Variants in ZFC3H1 observed in about 807,000 individuals in gnomAD.
The protein encoded by ZFC3H1 is zinc finger C3H1 domain-containing protein.
In ZFC3H1, 71 loss-of-function variants were observed where a neutral mutation model predicts 243.7. The ratio of observed to expected loss-of-function variants is 0.29; its 90% CI spans 0.24 to 0.36. The LOEUF (loss-of-function observed/expected upper bound fraction) is 0.36, where lower values mean the gene tolerates loss of function less well. ZFC3H1 is among the 10% of genes least tolerant of loss of function. The pLI is 1.00. For synonymous variants in ZFC3H1, 838 were observed against 813.0 expected, an observed-to-expected ratio of 1.03 and a Z score of -0.52; for missense variants, 1,966 against 2,317.1, an observed-to-expected ratio of 0.85 and a Z score of 3.11.
rs746137314 is a variant in ZFC3H1 at position 71,644,344 on chromosome 12, T to C, written c.1280-26A>G. The stretch of plus-strand genomic sequence containing the variant: ...CTTTAAATAAAAAACACATAAACAT[T>C]AGCATCTGTTAGGAGATAAAAGAAA... On this transcript the variant is annotated intron_variant, in intron 4 of 34. Coordinates refer to ENST00000378743, the MANE Select transcript of ZFC3H1 (RefSeq NM_144982.5). 8.8e-6 allele frequency: 14 copies of C among 1,599,070 alleles called. No homozygotes were observed. In the African/African-American group the frequency reaches 1.1e-4, roughly 12 times the overall value.
At chr12:71,629,112 A>T in intron 19 of ZFC3H1, 75 bp from the exon 20 acceptor site, 8 of 1,259,148 alleles carry the variant, frequency 6.4e-6, no homozygotes, top group African/African-American at 1.5e-5. Flanking sequence ...TACTCAAATA[A>T]TATTTGAGAA....
At chr12:71,632,628 A>G in intron 14 of ZFC3H1, 114 bp from the exon 15 acceptor site, 1 of 1,324,512 alleles carries the variant, frequency 7.5e-7, no homozygotes, top group Non-Finnish European at 1.0e-6. Flanking sequence ...AAACTAAATC[A>G]ATATGGAGAA....
intron 2 of ZFC3H1, among the ~76,000 whole-genome samples, chr12:71,654,308 G>A (rs1397529114): frequency 6.6e-6 from 1 of 152,056 alleles, no homozygotes; most frequent in Non-Finnish European, 1.5e-5. Context: ...GGGCATGGTA[G>A]TACATGCCTG....
chr12:71,632,639 T>A, intron 14 of ZFC3H1, 125 bp from the exon 15 acceptor site: 1 of 1,305,736 alleles, frequency 7.7e-7, no homozygotes, highest in East Asian at 2.5e-5. Flanking sequence ...ATATGGAGAA[T>A]AAAACAGAGT....
intron 3 of ZFC3H1, among the ~76,000 whole-genome samples, chr12:71,645,555 C>G (rs553407338): frequency 1.1e-4 from 16 of 152,146 alleles, no homozygotes; most frequent in Non-Finnish European, 1.5e-4. Flanking sequence ...TTCAAACTTA[C>G]AAATTTTCTT....
intron 2 of ZFC3H1, among the ~76,000 whole-genome samples, chr12:71,648,035 T>C (rs1301547845): frequency 6.6e-6 from 1 of 152,176 alleles, no homozygotes. Context: ...TGATTCAAAA[T>C]ATTAAAATAA....
At chr12:71,655,383 T>G (rs1592603572) in intron 2 of ZFC3H1, among the ~76,000 whole-genome samples, 1 of 152,138 alleles carries the variant, frequency 6.6e-6, no homozygotes, top group Non-Finnish European at 1.5e-5. Context: ...GAGACAGAAC[T>G]AAAGTCAAAC....
intron 13 of ZFC3H1, 122 bp from the exon 14 acceptor site, chr12:71,633,139 C>A (rs1880367177): frequency 2.2e-6 from 3 of 1,394,114 alleles, no homozygotes; most frequent in African/African-American, 2.9e-5. Context: ...AATATTATTT[C>A]TCAACAAGAA....
chr12:71,625,454 G>A (rs1321701037), intron 22 of ZFC3H1, among the ~76,000 whole-genome samples: 1 of 152,116 alleles, frequency 6.6e-6, no homozygotes, highest in Non-Finnish European at 1.5e-5. Context: ...CACTTCAGGA[G>A]GCCCAGGCAG....
Position 71,614,980 on chromosome 12 carries a change from T to A in ZFC3H1, c.5256-42A>T, listed in dbSNP as rs202157603. 1.9e-5 allele frequency: 28 copies of A among 1,482,182 alleles called. No individual in the cohort carries two copies. The East Asian group carries it at 6.3e-4, about 34-fold the overall frequency. The allele number at this position is 1,482,182 out of a possible 1,614,324, so 91.8% of individuals were successfully genotyped here. On this transcript the variant is annotated intron_variant, in intron 28 of 34. Transcript: ENST00000378743. ...GGAAAACATATGTCTATCATTCATT[T>A]CCATCAGGTGAAGGAATGACAAAGT...
intron 1 of ZFC3H1, chr12:71,660,173 TAAA>T: frequency 6.6e-6 from 1 of 152,190 alleles, no homozygotes; most frequent in African/African-American, 2.4e-5. Context: ...ACAGTATTTG[TAAA>T]ATAAAAAAGG....
intron 21 of ZFC3H1, among the ~76,000 whole-genome samples, chr12:71,627,020 G>T (rs1880186760): frequency 6.6e-6 from 1 of 151,908 alleles, no homozygotes; most frequent in Non-Finnish European, 1.5e-5. Flanking sequence ...TGACACACAG[G>T]AAAGTTAAAT....
chr12:71,633,988 C>A (rs1343837307), intron 12 of ZFC3H1, among the ~76,000 whole-genome samples, 167 bp downstream of exon 12: 1 of 152,194 alleles, frequency 6.6e-6, no homozygotes, highest in Non-Finnish European at 1.5e-5. Flanking sequence ...AATTTCATTA[C>A]TTTATGTAAA....
In ZFC3H1 at chr12:71,619,299, G is replaced by T. The variant is rs767277289; in HGVS notation, c.5144+16C>A. 3 of 1,607,928 alleles carry T rather than the reference G, an allele frequency of 1.9e-6. No individual in the cohort carries two copies. The highest frequency in any genetic ancestry group is 2.7e-5 in the African/African-American group (2 of 74,606). ...TCTCTCTCATTCCTCTACAAACTAAGAATTCTACAACTTACCGAAACAGAT... is the reference window on the plus strand; with the variant it reads ...TCTCTCTCATTCCTCTACAAACTAATAATTCTACAACTTACCGAAACAGAT... On this transcript the variant is annotated intron_variant, in intron 27 of 34. Transcript: ENST00000378743.
intron 7 of ZFC3H1, among the ~76,000 whole-genome samples, chr12:71,637,939 A>G (rs1430239415): frequency 6.6e-6 from 1 of 151,728 alleles, no homozygotes; most frequent in Non-Finnish European, 1.5e-5. Flanking sequence ...TTTTAGTGGG[A>G]GGACTGGAGA....
At chr12:71,637,958 A>C (rs544974132) in intron 7 of ZFC3H1, among the ~76,000 whole-genome samples, 1 of 150,552 alleles carries the variant, frequency 6.6e-6, no homozygotes, top group African/African-American at 2.4e-5. Context: ...GATGGGGGGG[A>C]AAAGAAATTA....
chr12:71,634,122 A>G lies in ZFC3H1; in HGVS notation c.2510+33T>C, dbSNP rs748177973. 1.9e-6 allele frequency: 3 copies of G among 1,588,918 alleles called. No individual in the cohort carries two copies. The South Asian group carries it at 3.4e-5, about 18-fold the overall frequency. ...CAAAAATGTATTTCTCTACCACAGG[A>G]ACAATTAGATATGTGAAGATAACAA... On this transcript the variant is annotated intron_variant, in intron 12 of 34. Transcript: ENST00000378743.
chr12:71,610,259 T>C lies in ZFC3H1; in HGVS notation c.*169A>G, dbSNP rs892474471. ...TCATTTATCCAACCGAAGAGGATCA[T>C]GTTCATTGCTTCCGGTTTTGAGGAC... is the stretch of plus-strand genomic sequence containing the variant. On this transcript the variant is annotated 3_prime_UTR_variant, in exon 35 of 35. Transcript: ENST00000378743. The C allele has an allele frequency of 1.2e-5, 9 of 751,546 alleles. No individual in the cohort carries two copies. Among genetic ancestry groups the C allele is most frequent in the Non-Finnish European group, 6.2e-6 (3 of 481,472 alleles). 46.6% of individuals were successfully genotyped at this position (751,546 alleles called of 1,614,324 possible).
Position 71,611,357 on chromosome 12 carries a change from AC to A in ZFC3H1, c.5730-261del, listed in dbSNP as rs1286461065. On this transcript the variant is annotated intron_variant, in intron 32 of 34. Coordinates refer to ENST00000378743, the MANE Select transcript of ZFC3H1 (RefSeq NM_144982.5). ...ATAACGTTCACAGGAGAAAAAAAAA[AC>A]AACAACAACAACAAAAAAAAAACAC... The A allele has an allele frequency of 1.5e-3, 378 of 258,194 alleles. 1 individual carries two copies. Among genetic ancestry groups the A allele is most frequent in the African/African-American group, 7.9e-3 (350 of 44,166 alleles). 16.0% of individuals were successfully genotyped at this position (258,194 alleles called of 1,614,324 possible). A position where few individuals can be genotyped will look rare whatever the true frequency, so the allele number is the denominator to read the frequency against.
Sources: allele counts gnomAD v4.1 joint callset (sites outside exome capture counted in the v4.1 genomes callset), GRCh38; gene constraint gnomAD v4.1.1; transcripts MANE v1.5; gene names NCBI Gene and HGNC (gene_info 2026-07-23, HGNC 2026-07-21).